ATP10A: variants seen among roughly 807,000 people sequenced by gnomAD.
ATP10A encodes ATPase phospholipid transporting 10A (putative).
ATP10A carries 111 observed loss-of-function variants against 147.8 expected under a neutral mutation model. That is an observed-to-expected ratio of 0.75 (90% CI 0.64 to 0.88). The LOEUF (loss-of-function observed/expected upper bound fraction) is 0.88, where lower values mean the gene tolerates loss of function less well. ATP10A is among the 40% of genes least tolerant of loss of function. The probability of loss-of-function intolerance (pLI) is 0.00; values close to 1 mark genes in which losing one functional copy is unlikely to be tolerated. For missense variants in ATP10A, 1,927 were observed against 1,959.0 expected, an observed-to-expected ratio of 0.98 and a Z score of 0.31; for synonymous variants, 875 against 841.6, an observed-to-expected ratio of 1.04 and a Z score of -0.69.
chr15:25,839,797 C>T (rs1892735297), intron 1 of ATP10A, among the ~76,000 whole-genome samples: 2 of 152,118 alleles, frequency 1.3e-5, no homozygotes, highest in Admixed American at 1.3e-4. Flanking sequence ...GTCCCATGCA[C>T]CCTTCACCCA....
At chr15:25,777,364 C>T (rs1047077014) in intron 2 of ATP10A, among the ~76,000 whole-genome samples, 3 of 152,120 alleles carry the variant, frequency 2.0e-5, no homozygotes, top group Admixed American at 1.3e-4. Context: ...CCAGCAACTG[C>T]TCCTGGCATC....
At chr15:25,823,512 C>A (rs1447100327) in intron 1 of ATP10A, among the ~76,000 whole-genome samples, 2 of 152,212 alleles carry the variant, frequency 1.3e-5, no homozygotes, top group Non-Finnish European at 2.9e-5. Flanking sequence ...AGGCATTCCT[C>A]CTGCTTTTGA....
intron 1 of ATP10A, among the ~76,000 whole-genome samples, chr15:25,794,572 C>T (rs1265694540): frequency 1.3e-5 from 2 of 152,144 alleles, no homozygotes; most frequent in Non-Finnish European, 2.9e-5. Flanking sequence ...ACCATGGAGA[C>T]ATGATTTCCC....
chr15:25,684,767 TACCCTTTTG>T (rs1179392840), intron 16 of ATP10A, among the ~76,000 whole-genome samples: 3 of 152,202 alleles, frequency 2.0e-5, no homozygotes, highest in Admixed American at 6.5e-5. Flanking sequence ...TGCAACTATC[TACCCTTTTG>T]ACCCTGACTC....
chr15:25,780,738 T>C (rs1308090923), intron 2 of ATP10A, among the ~76,000 whole-genome samples: 1 of 152,242 alleles, frequency 6.6e-6, no homozygotes, highest in Non-Finnish European at 1.5e-5. Context: ...TGCTCATAAA[T>C]GTTCCTTGTA....
rs373610998 is a variant in ATP10A at position 25,690,869 on chromosome 15, C to T, written c.3165+846G>A. 1.2e-4 allele frequency among the ~76,000 whole-genome samples: 18 copies of T among 152,154 alleles called. 1 individual carries two copies. The South Asian group carries it at 3.5e-3, about 30-fold the overall frequency. On this transcript the variant is annotated intron_variant, in intron 15 of 20. Transcript: ENST00000555815. ...CACGGAGATTCCAGTCAGATGACGG[C>T]GGGGGGAGTAAGGCAAGTGTCAAGG...
At chr15:25,689,751 A>G (rs553794822) in intron 15 of ATP10A, among the ~76,000 whole-genome samples, 25 of 152,330 alleles carry the variant, frequency 1.6e-4, no homozygotes, top group Admixed American at 1.6e-3. Flanking sequence ...ATCTCTGGGC[A>G]CCTGCCCTAT....
At chr15:25,823,509 C>G (rs964960316) in intron 1 of ATP10A, among the ~76,000 whole-genome samples, 15 of 152,178 alleles carry the variant, frequency 9.9e-5, no homozygotes, top group African/African-American at 3.4e-4. Context: ...CACAGGCATT[C>G]CTCCTGCTTT....
At chr15:25,727,829 A>G (rs1323920149) in intron 3 of ATP10A, among the ~76,000 whole-genome samples, 1 of 152,218 alleles carries the variant, frequency 6.6e-6, no homozygotes, top group Admixed American at 6.5e-5. Flanking sequence ...TTTTACTGCT[A>G]TTTAGATCCA....
At chr15:25,680,601 T>C (rs940344094) in intron 19 of ATP10A, among the ~76,000 whole-genome samples, 1 of 152,028 alleles carries the variant, frequency 6.6e-6, no homozygotes, top group Non-Finnish European at 1.5e-5. Flanking sequence ...GAGATGAGCA[T>C]GGCCGGGGAA....
intron 1 of ATP10A, among the ~76,000 whole-genome samples, chr15:25,817,685 C>T (rs1041548522): frequency 1.3e-5 from 2 of 152,176 alleles, no homozygotes; most frequent in African/African-American, 2.4e-5. Context: ...CTGATCATCA[C>T]CATGGTTCAA....
intron 1 of ATP10A, among the ~76,000 whole-genome samples, chr15:25,801,256 A>G (rs890604795): frequency 2.0e-5 from 3 of 152,124 alleles, no homozygotes; most frequent in African/African-American, 7.2e-5. Flanking sequence ...GCAGGTGTCC[A>G]GGGGCCCTTC....
intron 2 of ATP10A, 51 bp from the exon 3 acceptor site, chr15:25,736,192 G>A (rs374245290): frequency 1.2e-4 from 174 of 1,473,266 alleles, no homozygotes; most frequent in Admixed American, 2.2e-4. Flanking sequence ...AGGCTGCGCC[G>A]TTCTAAAAGG....
chr15:25,680,347 C>A (rs758670645), intron 19 of ATP10A, 39 bp from the exon 20 acceptor site: 2 of 1,585,868 alleles, frequency 1.3e-6, no homozygotes, highest in Non-Finnish European at 1.7e-6. Context: ...TTATTTCCAC[C>A]TAAAAGTGAC....
intron 1 of ATP10A, among the ~76,000 whole-genome samples, chr15:25,797,384 C>T (rs984824319): frequency 5.9e-5 from 9 of 152,214 alleles, no homozygotes; most frequent in Admixed American, 2.0e-4. Context: ...ACAGGCTAGC[C>T]CCCTCAGAGA....
intron 3 of ATP10A, among the ~76,000 whole-genome samples, chr15:25,730,988 A>C (rs1902948275): frequency 6.6e-6 from 1 of 152,254 alleles, no homozygotes. Flanking sequence ...GGCAGTAAAG[A>C]CATTTTGGAT....
intron 1 of ATP10A, among the ~76,000 whole-genome samples, chr15:25,840,057 G>T (rs1892748986): frequency 6.6e-6 from 1 of 152,088 alleles, no homozygotes; most frequent in Admixed American, 6.5e-5. Context: ...ACCCCCTCCT[G>T]CATCCCTAAC....
At chr15:25,684,042 C>T in intron 16 of ATP10A, 1 of 154,104 alleles carries the variant, frequency 6.5e-6, no homozygotes, top group Non-Finnish European at 1.4e-5. Flanking sequence ...AAGCCAATGA[C>T]CTCATCAACA....
At chr15:25,859,777 C>T (rs926549845) in intron 1 of ATP10A, among the ~76,000 whole-genome samples, 10 of 152,082 alleles carry the variant, frequency 6.6e-5, no homozygotes, top group Non-Finnish European at 1.2e-4. Flanking sequence ...AGGATGGTGT[C>T]ACTGAAAAAC....
Sources: allele counts gnomAD v4.1 joint callset (sites outside exome capture counted in the v4.1 genomes callset), GRCh38; gene constraint gnomAD v4.1.1; transcripts MANE v1.5; gene names NCBI Gene and HGNC (gene_info 2026-07-23, HGNC 2026-07-21).